Variants in MAST4 observed in about 807,000 individuals in gnomAD.
MAST4 encodes microtubule-associated serine/threonine-protein kinase 4.
MAST4 carries 89 observed loss-of-function variants against 162.7 expected under a neutral mutation model. The observed-to-expected ratio is 0.55, with a 90% CI of 0.46 to 0.65. MAST4 has a LOEUF of 0.65. Among genes scored for constraint, MAST4 ranks in the 30% least tolerant of loss-of-function variants. MAST4 has a pLI of 0.00. For synonymous variants in MAST4, 1,479 were observed against 1,361.1 expected (o/e 1.09, Z -1.91); for missense variants, 3,153 against 3,374.0 (o/e 0.93, Z 1.62).
At chr5:66,651,314 T>C (rs938074086) in intron 1 of MAST4, among the ~76,000 whole-genome samples, 6 of 152,232 alleles carry the variant, frequency 3.9e-5, no homozygotes, top group African/African-American at 1.4e-4. Context: ...AGATGCAGAT[T>C]TTCATTTCCT....
intron 4 of MAST4, among the ~76,000 whole-genome samples, chr5:67,042,928 G>A (rs1215779784): frequency 6.6e-6 from 1 of 152,198 alleles, no homozygotes; most frequent in Non-Finnish European, 1.5e-5. Context: ...TGAAATCAGG[G>A]ACAGTTCACT....
At chr5:67,034,706 A>G (rs1755793232) in intron 4 of MAST4, among the ~76,000 whole-genome samples, 2 of 152,208 alleles carry the variant, frequency 1.3e-5, no homozygotes, top group Non-Finnish European at 2.9e-5. Context: ...ATGCAATATG[A>G]TAATCACTGC....
rs200743036 is a variant in MAST4, at chr5:66,899,932, G to T, written c.643-19G>T. On this transcript the variant is annotated intron_variant, in intron 3 of 28. Transcript: ENST00000403625. ...GTTAATGCAGCATTGCTTATATATGGTTTTTTTTTCTTTTGCAGAAGGAGC... is the reference window on the plus strand; with the variant it reads ...GTTAATGCAGCATTGCTTATATATGTTTTTTTTTTCTTTTGCAGAAGGAGC... The T allele has an allele frequency of 9.4e-5, 139 of 1,471,192 alleles. No homozygotes were observed. Among genetic ancestry groups the T allele is most frequent in the Non-Finnish European group, 1.1e-4 (117 of 1,102,418 alleles). 91.1% of individuals were successfully genotyped at this position (1,471,192 alleles called of 1,614,324 possible).
intron 4 of MAST4, among the ~76,000 whole-genome samples, chr5:66,957,332 G>A (rs1252102541): frequency 1.3e-5 from 2 of 151,762 alleles, no homozygotes; most frequent in Non-Finnish European, 2.9e-5. Context: ...TCTTTTTTGT[G>A]TTCCATTATA....
chr5:67,092,515 A>G (rs1329962314), intron 6 of MAST4, among the ~76,000 whole-genome samples: 1 of 152,222 alleles, frequency 6.6e-6, no homozygotes, highest in Non-Finnish European at 1.5e-5. Flanking sequence ...TAATTGTGGT[A>G]TTAATTTACA....
chr5:67,138,870 C>A (rs1770013713), intron 19 of MAST4, among the ~76,000 whole-genome samples: 1 of 152,162 alleles, frequency 6.6e-6, no homozygotes. Context: ...GATGTTCAGC[C>A]TGTATTCTGT....
rs1224340423 is a variant in MAST4, at chr5:67,165,640, C to T, written c.6461C>T (p.Ser2154Phe). 16 of 1,609,964 alleles carry T rather than the reference C, an allele frequency of 9.9e-6. No individual in the cohort carries two copies. Among genetic ancestry groups the T allele is most frequent in the Non-Finnish European group, 1.1e-5 (13 of 1,178,352 alleles). The change falls in exon 29 of 29, where the codon TCC becomes TTC. Residue 2154 changes from serine to phenylalanine, a missense_variant. Ser to Phe is a radical substitution (Grantham distance 155, BLOSUM62 -2). This residue lies in a region of MAST4 where 1,644 missense variants were observed against 1,495.0 expected (regional missense o/e 1.10). Transcript: ENST00000403625. ...SSPAARQHCS[S>F]PSHASGREPG... is the part of the protein sequence containing the mutation. ...CCGGCTGCCAGGCAGCATTGCAGTT[C>T]CCCAAGCCACGCTTCTGGCAGAGAG...
chr5:66,983,384 T>A (rs1749094490), intron 4 of MAST4, among the ~76,000 whole-genome samples: 2 of 152,340 alleles, frequency 1.3e-5, no homozygotes, highest in South Asian at 4.1e-4. Context: ...CTGATCATTT[T>A]CATGATTTTG....
chr5:67,101,887 C>T (rs567583649), intron 8 of MAST4, among the ~76,000 whole-genome samples: 4 of 151,610 alleles, frequency 2.6e-5, no homozygotes, highest in South Asian at 2.1e-4. Flanking sequence ...ATAAACACAC[C>T]GAAGTTGCAC....
At chr5:66,983,428 G>A (rs1479529194) in intron 4 of MAST4, among the ~76,000 whole-genome samples, 1 of 152,184 alleles carries the variant, frequency 6.6e-6, no homozygotes, top group Non-Finnish European at 1.5e-5. Context: ...TGCTTTAATG[G>A]TGAAGAGAAG....
chr5:66,923,358 G>A (rs1764670661), intron 4 of MAST4, among the ~76,000 whole-genome samples: 1 of 152,090 alleles, frequency 6.6e-6, no homozygotes, highest in Non-Finnish European at 1.5e-5. Context: ...TTAATATTGG[G>A]GAATCTCACT....
At chr5:66,874,549 G>GC (rs1761162630) in intron 3 of MAST4, among the ~76,000 whole-genome samples, 1 of 152,174 alleles carries the variant, frequency 6.6e-6, no homozygotes. Context: ...GGTAGGCATA[G>GC]CATCTGATCA....
chr5:66,957,689 GAA>G (rs1343418700), intron 4 of MAST4, among the ~76,000 whole-genome samples: 3 of 152,188 alleles, frequency 2.0e-5, no homozygotes, highest in Admixed American at 6.5e-5. Context: ...TAAGGATGTA[GAA>G]AAGAGTTCTG....
At position 66,968,542 on chromosome 5, in the gene MAST4, A is replaced by G. The variant is rs148098234; in HGVS notation, c.674+68560A>G. On this transcript the variant is annotated intron_variant, in intron 4 of 28. Transcript: ENST00000403625. ...CATTTTTGTCTACTTTTTCACACAT[A>G]TATCCACAAAACCTAAAATAGTTCC... is the stretch of plus-strand genomic sequence containing the variant. Among the ~76,000 whole-genome samples the G allele has an allele frequency of 2.2e-4, 33 of 152,314 alleles. No individual in the cohort carries two copies. In the East Asian group the frequency reaches 5.6e-3, roughly 26 times the overall value.
chr5:66,738,939 T>C (rs1752324499), intron 1 of MAST4, among the ~76,000 whole-genome samples: 1 of 152,242 alleles, frequency 6.6e-6, no homozygotes, highest in African/African-American at 2.4e-5. Flanking sequence ...AGGTTTTTAG[T>C]CAATTACTTC....
chr5:67,049,006 C>CATATATATATAT, intron 4 of MAST4, among the ~76,000 whole-genome samples: 1 of 120,728 alleles, frequency 8.3e-6, no homozygotes, highest in African/African-American at 3.6e-5. Context: ...TATATACACA[C>CATATATATATAT]ACATATATAT....
chr5:66,859,090 C>T (rs1222138770), intron 3 of MAST4, among the ~76,000 whole-genome samples: 5 of 152,082 alleles, frequency 3.3e-5, no homozygotes, highest in African/African-American at 1.2e-4. Context: ...GACATTCTAT[C>T]AACTGCAAAT....
At chr5:66,728,566 C>A (rs1751655197) in intron 1 of MAST4, among the ~76,000 whole-genome samples, 1 of 152,150 alleles carries the variant, frequency 6.6e-6, no homozygotes. Context: ...AAATTTTAGA[C>A]ATGAGATTTA....
At chr5:66,838,557 A>T (rs1417119268) in intron 3 of MAST4, among the ~76,000 whole-genome samples, 1 of 152,210 alleles carries the variant, frequency 6.6e-6, no homozygotes, top group Non-Finnish European at 1.5e-5. Context: ...TAGGTGAGAC[A>T]GACAACAGTT....
Sources: allele counts gnomAD v4.1 joint callset (sites outside exome capture counted in the v4.1 genomes callset), GRCh38; gene constraint gnomAD v4.1.1; regional missense constraint gnomAD v4.1.1; transcripts MANE v1.5; gene names NCBI Gene and HGNC (gene_info 2026-07-23, HGNC 2026-07-21).